NTRK2: variants seen among roughly 807,000 people sequenced by gnomAD.
NTRK2 encodes neurotrophic receptor tyrosine kinase 2.
A neutral mutation model predicts 94.5 loss-of-function variants in NTRK2; 13 were observed. The observed-to-expected ratio is 0.14, with a 90% CI of 0.09 to 0.22. The LOEUF (loss-of-function observed/expected upper bound fraction) is 0.22. NTRK2 is among the 10% of genes least tolerant of loss of function. NTRK2 has a pLI of 1.00. For synonymous variants in NTRK2, 372 were observed against 407.4 expected (o/e 0.91, Z 1.05); for missense variants, 639 against 1,071.2 (o/e 0.60, Z 5.63).
At chr9:84,881,515 C>T (rs146643927) in intron 14 of NTRK2, among the ~76,000 whole-genome samples, 5 of 152,250 alleles carry the variant, frequency 3.3e-5, no homozygotes, top group East Asian at 1.9e-4. Context: ...TTGGCATCTC[C>T]GGCTCCTAGA....
intron 2 of NTRK2, among the ~76,000 whole-genome samples, chr9:84,671,671 C>A (rs1237178617): frequency 6.6e-6 from 1 of 152,180 alleles, no homozygotes; most frequent in Non-Finnish European, 1.5e-5. Context: ...CTCTTAATTG[C>A]CCATTGAATA....
In NTRK2 at chr9:84,934,242, G is replaced by A. The variant is rs2132719970; in HGVS notation, c.1714G>A (p.Glu572Lys). The A allele has an allele frequency of 6.2e-7, 1 of 1,614,042 alleles. No individual in the cohort carries two copies. Among genetic ancestry groups the A allele is most frequent in the Non-Finnish European group, 8.5e-7 (1 of 1,179,938 alleles). ...AGCCTTTGGAAAAGTGTTCCTAGCTGAATGCTATAACCTCTGTCCTGAGCA... is the reference window on the plus strand; with the variant it reads ...AGCCTTTGGAAAAGTGTTCCTAGCTAAATGCTATAACCTCTGTCCTGAGCA... ...EGAFGKVFLA[E>K]CYNLCPEQDK... Residue 572 changes from glutamate to lysine, a missense_variant, in exon 15 of 19, where the codon GAA becomes AAA. By Grantham distance (56) the Glu-to-Lys change is moderately conservative. This residue lies in a region of NTRK2 where 343 missense variants were observed against 571.5 expected (regional missense o/e 0.60). Transcript: ENST00000277120.
chr9:84,724,782 G>A (rs569967695), intron 8 of NTRK2, among the ~76,000 whole-genome samples: 2 of 152,290 alleles, frequency 1.3e-5, no homozygotes, highest in African/African-American at 4.8e-5. Flanking sequence ...TAATTGTACT[G>A]TTGATAAAAT....
chr9:84,984,887 T>C (rs1828112529), intron 17 of NTRK2, among the ~76,000 whole-genome samples: 1 of 152,226 alleles, frequency 6.6e-6, no homozygotes, highest in Admixed American at 6.5e-5. Context: ...CAGGTTGTTG[T>C]GGAGATCAAA....
intron 15 of NTRK2, among the ~76,000 whole-genome samples, chr9:84,941,505 A>G (rs7855989): frequency 0.069 from 10,509 of 152,276 alleles, 685 homozygotes; most frequent in African/African-American, 0.17. Flanking sequence ...GGCATCAAAC[A>G]TAGCTGGAGG....
At chr9:84,874,701 A>G (rs1194485109) in intron 14 of NTRK2, 2 of 1,061,782 alleles carry the variant, frequency 1.9e-6, no homozygotes, top group African/African-American at 3.3e-5. Flanking sequence ...TCAGCCCCTA[A>G]CTGGAAGCAA....
chr9:84,756,108 A>G (rs2065061216), intron 12 of NTRK2, among the ~76,000 whole-genome samples: 1 of 152,146 alleles, frequency 6.6e-6, no homozygotes, highest in Non-Finnish European at 1.5e-5. Flanking sequence ...ATCTGTCTAA[A>G]TCTATGTCGG....
At chr9:84,762,641 T>C (rs2065684402) in intron 12 of NTRK2, among the ~76,000 whole-genome samples, 1 of 152,196 alleles carries the variant, frequency 6.6e-6, no homozygotes, top group African/African-American at 2.4e-5. Flanking sequence ...GGATTGAGAA[T>C]GAGCAGACAC....
rs2069470360 is a variant in NTRK2 at position 84,797,450 on chromosome 9, G to A, written c.1396+45365G>A. ...TCCGTGAAAGCTGAACACAGTGACT[G>A]GATCCCTCTTCTCTTCATGTGGAAA... On this transcript the variant is annotated intron_variant, in intron 12 of 18. Coordinates refer to ENST00000277120, the MANE Select transcript of NTRK2 (RefSeq NM_006180.6). 2.8e-5 allele frequency among the ~76,000 whole-genome samples: 4 copies of A among 144,338 alleles called. No individual in the cohort carries two copies. The South Asian group carries it at 8.5e-4, about 31-fold the overall frequency. 94.7% of individuals were successfully genotyped at this position (144,338 alleles called of 152,430 possible). A position where few individuals can be genotyped will look rare whatever the true frequency, so the allele number is the denominator to read the frequency against.
At chr9:84,980,677 A>T (rs1254196763) in intron 17 of NTRK2, among the ~76,000 whole-genome samples, 2 of 152,248 alleles carry the variant, frequency 1.3e-5, no homozygotes, top group African/African-American at 2.4e-5. Context: ...GAGCCAAGGC[A>T]GGAAGTCAAC....
At chr9:84,821,981 G>T (rs866782770) in intron 12 of NTRK2, among the ~76,000 whole-genome samples, 1 of 152,270 alleles carries the variant, frequency 6.6e-6, no homozygotes. Flanking sequence ...AAATGTTGAG[G>T]TTTGGGATAC....
chr9:84,792,343 A>G (rs952868850), intron 12 of NTRK2, among the ~76,000 whole-genome samples: 2 of 152,356 alleles, frequency 1.3e-5, no homozygotes, highest in Middle Eastern at 3.4e-3. Flanking sequence ...AATAAAAAGT[A>G]TCAGTGTTGT....
intron 9 of NTRK2, among the ~76,000 whole-genome samples, chr9:84,730,317 G>C (rs1237979860): frequency 6.6e-6 from 1 of 152,180 alleles, no homozygotes; most frequent in Non-Finnish European, 1.5e-5. Flanking sequence ...CAGTGTGACC[G>C]ATTAGAGATT....
At chr9:84,857,292 G>A (rs2075112792) in intron 12 of NTRK2, among the ~76,000 whole-genome samples, 1 of 152,136 alleles carries the variant, frequency 6.6e-6, no homozygotes, top group South Asian at 2.1e-4. Context: ...ATTCCAAAAG[G>A]AGGGGATTCT....
At chr9:84,876,296 G>C in intron 14 of NTRK2, 1 of 1,046,380 alleles carries the variant, frequency 9.6e-7, no homozygotes, top group Non-Finnish European at 1.2e-6. Flanking sequence ...GCCTTTACTA[G>C]AGATTACATG....
chr9:84,726,731 T>A (rs1303737769), intron 8 of NTRK2, among the ~76,000 whole-genome samples: 2 of 152,168 alleles, frequency 1.3e-5, no homozygotes, highest in African/African-American at 4.8e-5. Context: ...TTAACCTCAT[T>A]GCACTTTGGT....
chr9:84,898,395 T>C (rs2076822950), intron 14 of NTRK2, among the ~76,000 whole-genome samples: 1 of 152,254 alleles, frequency 6.6e-6, no homozygotes, highest in Admixed American at 6.5e-5. Context: ...CAGACCTTGT[T>C]CTTACTATGT....
intron 14 of NTRK2, among the ~76,000 whole-genome samples, chr9:84,891,652 G>A (rs1163997188): frequency 1.3e-5 from 2 of 152,200 alleles, no homozygotes; most frequent in African/African-American, 4.8e-5. Context: ...TCTGGGACGA[G>A]AGTAGAATAC....
chr9:84,900,132 A>G (rs963497659), intron 14 of NTRK2, among the ~76,000 whole-genome samples: 1 of 152,220 alleles, frequency 6.6e-6, no homozygotes, highest in Non-Finnish European at 1.5e-5. Context: ...GCTGGAAATC[A>G]GACCAGTTTC....
Sources: gnomAD v4.1 joint callset for allele counts (sites outside exome capture counted in the v4.1 genomes callset) on GRCh38, gnomAD v4.1.1 for gene constraint, gnomAD v4.1.1 regional missense constraint, MANE v1.5 for transcripts, NCBI Gene and HGNC (gene_info 2026-07-23, HGNC 2026-07-21) for gene names.